Variants in AUTS2 observed in about 807,000 individuals in gnomAD.
AUTS2 encodes activator of transcription and developmental regulator AUTS2.
Under a neutral mutation model 112.4 loss-of-function variants are expected in AUTS2, and 17 were observed. The ratio of observed to expected loss-of-function variants is 0.15; its 90% CI spans 0.10 to 0.23. The LOEUF is 0.23. Among genes scored for constraint, AUTS2 ranks in the 10% least tolerant of loss-of-function variants. The pLI is 1.00. For synonymous variants in AUTS2, 751 were observed against 702.7 expected (o/e 1.07, Z -1.09); for missense variants, 1,510 against 1,701.6 (o/e 0.89, Z 1.98).
At chr7:69,784,447 G>C (rs1264319602) in intron 1 of AUTS2, among the ~76,000 whole-genome samples, 1 of 152,210 alleles carries the variant, frequency 6.6e-6, no homozygotes, top group African/African-American at 2.4e-5. Context: ...CCTTTTCCTT[G>C]TTGGTGTTTG....
intron 4 of AUTS2, among the ~76,000 whole-genome samples, chr7:70,219,548 A>G (rs12698875): frequency 0.22 from 33,878 of 151,692 alleles, 3,731 homozygotes; most frequent in Middle Eastern, 0.33. Context: ...GAAATTAAGG[A>G]CAAACAGTAA....
chr7:70,427,630 T>C (rs1795489516), intron 4 of AUTS2, among the ~76,000 whole-genome samples: 1 of 152,214 alleles, frequency 6.6e-6, no homozygotes, highest in South Asian at 2.1e-4. Flanking sequence ...CTTTAAAACT[T>C]CAAGTTTGGA....
At chr7:70,105,037 A>G (rs1804695257) in intron 2 of AUTS2, among the ~76,000 whole-genome samples, 1 of 152,200 alleles carries the variant, frequency 6.6e-6, no homozygotes, top group Non-Finnish European at 1.5e-5. Context: ...CTAAGGATGT[A>G]CTTTTACTAC....
intron 2 of AUTS2, among the ~76,000 whole-genome samples, chr7:69,969,122 TA>T (rs1797746072): frequency 6.6e-6 from 1 of 152,176 alleles, no homozygotes; most frequent in Non-Finnish European, 1.5e-5. Flanking sequence ...TGAATTTTGA[TA>T]ACTGAAAACT....
intron 4 of AUTS2, among the ~76,000 whole-genome samples, chr7:70,148,981 C>T (rs1028520391): frequency 1.3e-5 from 2 of 151,964 alleles, no homozygotes; most frequent in Non-Finnish European, 1.5e-5. Context: ...TATTACAAAG[C>T]AAGGTAAATA....
chr7:70,003,894 A>T (rs1799379350), intron 2 of AUTS2, among the ~76,000 whole-genome samples: 1 of 86,344 alleles, frequency 1.2e-5, no homozygotes, highest in Admixed American at 1.5e-4. Flanking sequence ...ATATGAATAT[A>T]TATATTATAT....
intron 4 of AUTS2, among the ~76,000 whole-genome samples, chr7:70,235,780 T>C (rs1812295490): frequency 6.6e-6 from 1 of 151,974 alleles, no homozygotes; most frequent in African/African-American, 2.4e-5. Flanking sequence ...GCCCACCATG[T>C]AGCTGGGAGT....
At chr7:70,419,884 T>G (rs776833103) in intron 4 of AUTS2, among the ~76,000 whole-genome samples, 1 of 152,230 alleles carries the variant, frequency 6.6e-6, no homozygotes, top group Non-Finnish European at 1.5e-5. Context: ...TTTTTTCGTA[T>G]GTTTATTAGC....
intron 2 of AUTS2, among the ~76,000 whole-genome samples, chr7:70,015,315 C>T (rs753022200): frequency 6.6e-6 from 1 of 152,142 alleles, no homozygotes; most frequent in East Asian, 1.9e-4. Flanking sequence ...GACATAATCT[C>T]ACTTAGTCCT....
At chr7:70,082,738 A>G (rs1201713526) in intron 2 of AUTS2, among the ~76,000 whole-genome samples, 1 of 152,172 alleles carries the variant, frequency 6.6e-6, no homozygotes, top group Non-Finnish European at 1.5e-5. Flanking sequence ...ATGTAAGGTC[A>G]CCAGTAAATT....
At chr7:70,648,098 A>G (rs941633417) in intron 5 of AUTS2, among the ~76,000 whole-genome samples, 1 of 152,170 alleles carries the variant, frequency 6.6e-6, no homozygotes, top group Non-Finnish European at 1.5e-5. Flanking sequence ...ACATGGGAAT[A>G]ATGATAGTAC....
chr7:70,254,699 G>A (rs546389236), intron 4 of AUTS2, among the ~76,000 whole-genome samples: 1 of 152,166 alleles, frequency 6.6e-6, no homozygotes, highest in South Asian at 2.1e-4. Context: ...TTTGTAGTTT[G>A]TAATCTCCTT....
At chr7:69,652,696 C>T (rs1024276024) in intron 1 of AUTS2, among the ~76,000 whole-genome samples, 1 of 151,680 alleles carries the variant, frequency 6.6e-6, no homozygotes, top group Non-Finnish European at 1.5e-5. Context: ...TGAATTATGT[C>T]AAATTTTGTA....
chr7:69,900,679 G>T (rs150125185), intron 2 of AUTS2, among the ~76,000 whole-genome samples: 1 of 152,130 alleles, frequency 6.6e-6, no homozygotes, highest in Admixed American at 6.5e-5. Context: ...GATGTAGTGG[G>T]CAGTTTGGTG....
chr7:70,136,085 A>G (rs546576591), intron 4 of AUTS2, among the ~76,000 whole-genome samples: 1 of 152,202 alleles, frequency 6.6e-6, no homozygotes, highest in Non-Finnish European at 1.5e-5. Context: ...GATTTTCATT[A>G]TGCTTTTTGC....
intron 6 of AUTS2, among the ~76,000 whole-genome samples, chr7:70,715,444 A>G (rs1810305989): frequency 6.6e-6 from 1 of 152,130 alleles, no homozygotes; most frequent in Admixed American, 6.5e-5. Context: ...TTCTCCAGGA[A>G]GCCCTCCTAC....
At chr7:70,360,736 G>A (rs778021825) in intron 4 of AUTS2, among the ~76,000 whole-genome samples, 15 of 152,120 alleles carry the variant, frequency 9.9e-5, no homozygotes, top group Non-Finnish European at 1.6e-4. Context: ...ACAGAGCCAG[G>A]ACCAGTGAGC....
chr7:69,933,897 T>G (rs563090166), intron 2 of AUTS2, among the ~76,000 whole-genome samples: 33 of 152,314 alleles, frequency 2.2e-4, no homozygotes, highest in Non-Finnish European at 1.3e-4. Flanking sequence ...AGGATGACAA[T>G]AGTCACAAAA....
chr7:70,208,759 G>C (rs968160813), intron 4 of AUTS2, among the ~76,000 whole-genome samples: 5 of 151,826 alleles, frequency 3.3e-5, no homozygotes, highest in African/African-American at 1.2e-4. Flanking sequence ...TTTGCAGGTT[G>C]TTGGGAGGAG....
Sources: allele counts gnomAD v4.1 joint callset (sites outside exome capture counted in the v4.1 genomes callset), GRCh38; gene constraint gnomAD v4.1.1; transcripts MANE v1.5; gene names NCBI Gene and HGNC (gene_info 2026-07-23, HGNC 2026-07-21).